The following KIAA1217 variants were observed in gnomAD, a reference collection of about 807,000 sequenced individuals.
KIAA1217 encodes the protein sickle tail protein homolog.
Under a neutral mutation model 163.9 loss-of-function variants are expected in KIAA1217, and 88 were observed. The ratio of observed to expected loss-of-function variants is 0.54; its 90% CI spans 0.45 to 0.64. The LOEUF is 0.64. Among genes scored for constraint, KIAA1217 ranks in the 30% least tolerant of loss-of-function variants. The pLI, the probability that KIAA1217 is intolerant of heterozygous loss-of-function variation, is 0.00. For synonymous variants in KIAA1217, 903 were observed against 923.1 expected (o/e 0.98, Z 0.39); for missense variants, 2,372 against 2,475.0 (o/e 0.96, Z 0.88).
At chr10:24,383,805 G>A (rs1044969827) in intron 3 of KIAA1217, among the ~76,000 whole-genome samples, 3 of 152,334 alleles carry the variant, frequency 2.0e-5, no homozygotes, top group East Asian at 1.9e-4. Flanking sequence ...CTTTGTGGCC[G>A]ATTGGGGAAT....
At chr10:23,755,392 G>C (rs959614790) in intron 1 of KIAA1217, among the ~76,000 whole-genome samples, 2 of 152,126 alleles carry the variant, frequency 1.3e-5, no homozygotes, top group African/African-American at 4.8e-5. Flanking sequence ...CTCCACGCAG[G>C]CATAATAATC....
chr10:23,804,261 G>T (rs1836631277), intron 1 of KIAA1217, among the ~76,000 whole-genome samples: 1 of 152,130 alleles, frequency 6.6e-6, no homozygotes, highest in African/African-American at 2.4e-5. Flanking sequence ...CCTCAGGGAA[G>T]GTTATAATTA....
At chr10:23,969,090 A>C (rs1018998552) in intron 1 of KIAA1217, among the ~76,000 whole-genome samples, 1 of 152,132 alleles carries the variant, frequency 6.6e-6, no homozygotes, top group Non-Finnish European at 1.5e-5. Flanking sequence ...ACTGGAGTGC[A>C]ATGGCACGAT....
intron 2 of KIAA1217, chr10:24,275,697 T>C (rs748490402): frequency 1.9e-6 from 1 of 521,084 alleles, no homozygotes; most frequent in South Asian, 1.4e-5. Context: ...TTGATGCTGT[T>C]GGTTTGGTGC....
intron 2 of KIAA1217, among the ~76,000 whole-genome samples, chr10:24,282,457 AT>A (rs1202088223): frequency 6.6e-6 from 1 of 152,066 alleles, no homozygotes; most frequent in East Asian, 1.9e-4. Flanking sequence ...TGCATAAGAA[AT>A]TTGTGTTTAT....
chr10:23,861,547 A>G (rs563524455), intron 1 of KIAA1217, among the ~76,000 whole-genome samples: 4 of 152,294 alleles, frequency 2.6e-5, no homozygotes, highest in East Asian at 1.9e-4. Flanking sequence ...GTCTAATCCT[A>G]TGAATTTTTG....
intron 1 of KIAA1217, among the ~76,000 whole-genome samples, chr10:23,757,930 GTCT>G (rs554035577): frequency 4.3e-4 from 65 of 152,258 alleles, no homozygotes; most frequent in African/African-American, 1.5e-3. Context: ...CGTTTCAGAA[GTCT>G]TCTATATAGC....
chr10:24,011,661 T>A (rs780883452), intron 2 of KIAA1217, among the ~76,000 whole-genome samples: 1 of 152,086 alleles, frequency 6.6e-6, no homozygotes, highest in Non-Finnish European at 1.5e-5. Flanking sequence ...ACAGGGAAAA[T>A]GGAACTCTCA....
intron 1 of KIAA1217, among the ~76,000 whole-genome samples, chr10:23,982,750 G>T (rs990414811): frequency 6.6e-6 from 1 of 151,900 alleles, no homozygotes; most frequent in African/African-American, 2.4e-5. Flanking sequence ...TTTTAGTAGA[G>T]ACAGGGTTTC....
intron 6 of KIAA1217, among the ~76,000 whole-genome samples, chr10:24,480,327 C>T (rs537326219): frequency 3.9e-5 from 6 of 152,354 alleles, no homozygotes; most frequent in African/African-American, 1.4e-4. Flanking sequence ...TACCTCCATT[C>T]TGCCCTCCTC....
chr10:24,429,260 T>A (rs2059403023), intron 3 of KIAA1217, among the ~76,000 whole-genome samples: 1 of 152,206 alleles, frequency 6.6e-6, no homozygotes, highest in Admixed American at 6.5e-5. Context: ...CTTTTAGGAT[T>A]TTCTGTTTTC....
intron 2 of KIAA1217, among the ~76,000 whole-genome samples, chr10:24,322,252 C>T (rs528902523): frequency 2.0e-5 from 3 of 152,284 alleles, no homozygotes; most frequent in African/African-American, 7.2e-5. Flanking sequence ...CCATGTCTGG[C>T]CTGAAATTTA....
chr10:23,836,788 TGTATG>T (rs999722056), intron 1 of KIAA1217, among the ~76,000 whole-genome samples: 4 of 151,326 alleles, frequency 2.6e-5, no homozygotes, highest in Admixed American at 6.6e-5. Context: ...AAATTAGCCG[TGTATG>T]GTAGCACACA....
chr10:24,035,508 C>G (rs1411994650), intron 2 of KIAA1217, among the ~76,000 whole-genome samples: 1 of 152,114 alleles, frequency 6.6e-6, no homozygotes, highest in Non-Finnish European at 1.5e-5. Context: ...TCTGCAACAC[C>G]AATGTGCTGA....
intron 2 of KIAA1217, among the ~76,000 whole-genome samples, chr10:24,296,122 G>A (rs2040571871): frequency 6.6e-6 from 1 of 151,778 alleles, no homozygotes; most frequent in African/African-American, 2.4e-5. Flanking sequence ...TTTCTTTTTG[G>A]AGACAGGGGC....
chr10:23,905,312 AG>A (rs1350589113), intron 1 of KIAA1217, among the ~76,000 whole-genome samples: 1 of 151,828 alleles, frequency 6.6e-6, no homozygotes, highest in Non-Finnish European at 1.5e-5. Context: ...TGTCTCTGCA[AG>A]TCTCCCCACT....
intron 1 of KIAA1217, among the ~76,000 whole-genome samples, chr10:23,822,413 A>G (rs1837664069): frequency 6.6e-6 from 1 of 152,242 alleles, no homozygotes; most frequent in African/African-American, 2.4e-5. Context: ...ACACACACAT[A>G]TCAGAGTGGG....
chr10:24,017,543 A>G (rs1232788127), intron 2 of KIAA1217, among the ~76,000 whole-genome samples: 2 of 152,158 alleles, frequency 1.3e-5, no homozygotes, highest in Non-Finnish European at 2.9e-5. Context: ...AAAAAGTAAC[A>G]TACTGGCTTA....
Position 24,019,429 on chromosome 10 carries a change from T to G in KIAA1217, c.-171+12055T>G, listed in dbSNP as rs192953300. The stretch of plus-strand genomic sequence containing the variant: ...ATTTAAAAAATAAAATAAAAATAAT[T>G]TAAAATGCCACTTAAAAAGACAGAG... On this transcript the variant is annotated intron_variant, in intron 2 of 18. Transcript: ENST00000376462. Among the ~76,000 whole-genome samples, 345 of 151,968 alleles carry G rather than the reference T, an allele frequency of 2.3e-3. 2 individuals are homozygous for G. Among genetic ancestry groups the G allele is most frequent in the African/African-American group, 7.8e-3 (325 of 41,468 alleles).
Sources: gnomAD v4.1 joint callset for allele counts (sites outside exome capture counted in the v4.1 genomes callset) on GRCh38, gnomAD v4.1.1 for gene constraint, MANE v1.5 for transcripts, NCBI Gene and HGNC (gene_info 2026-07-23, HGNC 2026-07-21) for gene names.